Variants in ETV1 observed in about 807,000 individuals in gnomAD.
The protein encoded by ETV1 is ETS translocation variant 1.
Under a neutral mutation model 62.3 loss-of-function variants are expected in ETV1, and 27 were observed. The observed-to-expected ratio is 0.43, with a 90% CI of 0.32 to 0.60. The LOEUF is 0.60. Among genes scored for constraint, ETV1 ranks in the 20% least tolerant of loss-of-function variants. The pLI, the probability that ETV1 is intolerant of heterozygous loss-of-function variation, is 0.06. For missense variants in ETV1, 605 were observed against 605.8 expected, an observed-to-expected ratio of 1.00 and a Z score of 0.01; for synonymous variants, 222 against 199.6, an observed-to-expected ratio of 1.11 and a Z score of -0.94.
intron 6 of ETV1, among the ~76,000 whole-genome samples, chr7:13,971,724 A>C (rs1780916455): frequency 6.6e-6 from 1 of 152,216 alleles, no homozygotes; most frequent in African/African-American, 2.4e-5. Context: ...ACTGAAATGA[A>C]CTAATGTAAC....
Position 13,931,660 on chromosome 7 carries a change from A to T in ETV1, c.644T>A (p.Met215Lys). 1 of 1,613,990 alleles carries T rather than the reference A, an allele frequency of 6.2e-7. No individual in the cohort carries two copies. The highest frequency in any genetic ancestry group is 8.5e-7 in the Non-Finnish European group (1 of 1,179,888). ...TGGGAAGGGGATGTTTGGCTCAGAC[A>T]TCTGGCGTTGGTACATAGGACGTCC... is the stretch of plus-strand genomic sequence containing the variant. ...REGRPMYQRQ[M>K]SEPNIPFPPQ... Residue 215 changes from methionine to lysine, a missense_variant, in exon 9 of 14, where the codon ATG becomes AAG. By Grantham distance (95) the Met-to-Lys change is moderately conservative (BLOSUM62 -1). Coordinates refer to ENST00000430479, the MANE Select transcript of ETV1 (RefSeq NM_004956.5).
At chr7:13,946,241 AC>A (rs760137673) in intron 6 of ETV1, among the ~76,000 whole-genome samples, 18 of 152,180 alleles carry the variant, frequency 1.2e-4, no homozygotes, top group Non-Finnish European at 2.4e-4. Context: ...TTCCATGGAA[AC>A]TTTTATGATC....
At chr7:13,950,744 G>A (rs951394612) in intron 6 of ETV1, among the ~76,000 whole-genome samples, 2 of 152,056 alleles carry the variant, frequency 1.3e-5, no homozygotes, top group African/African-American at 4.8e-5. Context: ...CTCACTTTCA[G>A]AAGGTCACTT....
chr7:13,910,751 C>A (rs1417794685), intron 10 of ETV1, among the ~76,000 whole-genome samples: 3 of 152,172 alleles, frequency 2.0e-5, no homozygotes, highest in African/African-American at 7.2e-5. Context: ...TACCACAAGC[C>A]TGTCTATGAG....
At chr7:13,917,313 T>C (rs1209463980) in intron 9 of ETV1, among the ~76,000 whole-genome samples, 5 of 151,170 alleles carry the variant, frequency 3.3e-5, no homozygotes, top group Admixed American at 1.3e-4. Flanking sequence ...TTTATTTATT[T>C]ATTTATTTAT....
chr7:13,909,356 G>A (rs1319657450), intron 11 of ETV1, among the ~76,000 whole-genome samples: 1 of 152,102 alleles, frequency 6.6e-6, no homozygotes, highest in African/African-American at 2.4e-5. Flanking sequence ...GCAGGGCAAT[G>A]GAAAGCCCCC....
intron 9 of ETV1, among the ~76,000 whole-genome samples, chr7:13,930,705 A>G (rs58226270): frequency 0.023 from 3,482 of 152,290 alleles, 135 homozygotes; most frequent in African/African-American, 0.08. Flanking sequence ...TCACAGAGAC[A>G]AAGCTAAACT....
In ETV1 at chr7:13,957,934, T is replaced by C. The variant is rs1789683614; in HGVS notation, c.236-18688A>G. ...ACAACCGTGATAGGCCTGGTTTGCA[T>C]TCTCCTCCTCACCCCTTTGAAGTAA... On this transcript the variant is annotated intron_variant, in intron 6 of 13. Coordinates refer to ENST00000430479, the MANE Select transcript of ETV1 (RefSeq NM_004956.5). Among the ~76,000 whole-genome samples the C allele has an allele frequency of 2.6e-5, 4 of 152,196 alleles. No individual in the cohort carries two copies. In the South Asian group the frequency reaches 8.3e-4, roughly 31 times the overall value.
At chr7:13,988,640 ACACCCC>A in intron 3 of ETV1, 1 of 1,558,760 alleles carries the variant, frequency 6.4e-7, no homozygotes, top group Non-Finnish European at 8.6e-7. Flanking sequence ...AGAAACAAAA[ACACCCC>A]ATATAAACAA....
chr7:13,968,878 T>C (rs910866564), intron 6 of ETV1, among the ~76,000 whole-genome samples: 3 of 152,160 alleles, frequency 2.0e-5, no homozygotes, highest in South Asian at 2.1e-4. Flanking sequence ...ACTTGATGGA[T>C]TCCTGGGAGG....
chr7:13,987,991 T>C (rs1043161014), intron 4 of ETV1, 95 bp downstream of exon 4: 2 of 713,818 alleles, frequency 2.8e-6, no homozygotes, highest in African/African-American at 3.6e-5. Flanking sequence ...TCAAAGTTTA[T>C]TATTTTTAAG....
At chr7:13,952,069 A>G (rs77573857) in intron 6 of ETV1, among the ~76,000 whole-genome samples, 5,891 of 151,908 alleles carry the variant, frequency 0.039, 290 homozygotes, top group African/African-American at 0.12. Context: ...AAATAAATAA[A>G]CATGGAAAAC....
intron 12 of ETV1, among the ~76,000 whole-genome samples, chr7:13,905,005 C>A (rs1443483280): frequency 6.7e-6 from 1 of 149,300 alleles, no homozygotes; most frequent in Non-Finnish European, 1.5e-5. Flanking sequence ...TCTGTGTGTG[C>A]GTGCTTGATG....
rs375443669 is a variant in ETV1 at position 13,972,894 on chromosome 7, C to T, written c.235+4533G>A. Among the ~76,000 whole-genome samples, 189 of 152,294 alleles carry T rather than the reference C, an allele frequency of 1.2e-3. 2 individuals carry two copies. Among genetic ancestry groups the T allele is most frequent in the African/African-American group, 4.4e-3 (183 of 41,586 alleles). On this transcript the variant is annotated intron_variant, in intron 6 of 13. Coordinates refer to ENST00000430479, the MANE Select transcript of ETV1 (RefSeq NM_004956.5). ...AAAGTGCCAGGATTATAGGCATGAG[C>T]CACCATGCCCAGGCTCTGTTTTCAC...
Position 13,971,223 on chromosome 7 carries a change from G to A in ETV1, c.235+6204C>T, listed in dbSNP as rs757299276. ...TGACCTTAGGTGATCCGCCTGCCTC[G>A]GCCTCCCAAAGTGCTGGGACTACAG... On this transcript the variant is annotated intron_variant, in intron 6 of 13. Transcript: ENST00000430479. Among the ~76,000 whole-genome samples, 12 of 152,224 alleles carry A rather than the reference G, an allele frequency of 7.9e-5. No individual in the cohort carries two copies. The East Asian group carries it at 1.5e-3, about 20-fold the overall frequency.
intron 5 of ETV1, among the ~76,000 whole-genome samples, chr7:13,978,341 C>T (rs902902738): frequency 6.6e-6 from 1 of 151,910 alleles, no homozygotes; most frequent in African/African-American, 2.4e-5. Flanking sequence ...ATCGAAGTAA[C>T]CTATTCCAAA....
chr7:13,902,662 A>G (rs1246037038), intron 12 of ETV1, among the ~76,000 whole-genome samples: 1 of 152,196 alleles, frequency 6.6e-6, no homozygotes, highest in Admixed American at 6.6e-5. Context: ...ATGTGAAAAT[A>G]AAGTATTAGT....
chr7:13,945,333 G>A (rs1445068594), intron 6 of ETV1, among the ~76,000 whole-genome samples: 1 of 152,004 alleles, frequency 6.6e-6, no homozygotes, highest in Non-Finnish European at 1.5e-5. Flanking sequence ...AGATGCCAAC[G>A]CTCAAGGATT....
At chr7:13,942,495 AT>A (rs1163785502) in intron 6 of ETV1, among the ~76,000 whole-genome samples, 1 of 152,008 alleles carries the variant, frequency 6.6e-6, no homozygotes, top group Non-Finnish European at 1.5e-5. Flanking sequence ...GGTACAGATT[AT>A]TTCATCACCC....
Sources: allele counts gnomAD v4.1 joint callset (sites outside exome capture counted in the v4.1 genomes callset), GRCh38; gene constraint gnomAD v4.1.1; transcripts MANE v1.5; gene names NCBI Gene and HGNC (gene_info 2026-07-23, HGNC 2026-07-21).